CRTAC1: variants seen among roughly 807,000 people sequenced by gnomAD.
CRTAC1 encodes cartilage acidic protein 1.
In CRTAC1, 37 loss-of-function variants were observed where a neutral mutation model predicts 67.8. The observed-to-expected ratio is 0.55, with a 90% confidence interval of 0.42 to 0.72. The LOEUF (loss-of-function observed/expected upper bound fraction) is 0.72, where lower values mean the gene tolerates loss of function less well. CRTAC1 is among the 30% of genes least tolerant of loss of function. CRTAC1 has a pLI of 0.00. For missense variants in CRTAC1, 780 were observed against 931.6 expected, an observed-to-expected ratio of 0.84 and a Z score of 2.12; for synonymous variants, 348 against 371.0, an observed-to-expected ratio of 0.94 and a Z score of 0.71.
intron 2 of CRTAC1, among the ~76,000 whole-genome samples, chr10:97,999,416 G>T (rs964050389): frequency 6.6e-6 from 1 of 152,258 alleles, no homozygotes; most frequent in African/African-American, 2.4e-5. Context: ...TTGTGGCCCA[G>T]CCAGGTGTGC....
chr10:98,019,075 G>A lies in CRTAC1; in HGVS notation c.25-7738C>T, dbSNP rs528063685. 6.4e-4 allele frequency among the ~76,000 whole-genome samples: 97 copies of A among 152,228 alleles called. 1 individual carries two copies. Among genetic ancestry groups the A allele is most frequent in the African/African-American group, 2.3e-3 (96 of 41,548 alleles). ...ACAGAGAGATGTAAGTTAGCTGGGG[G>A]GGGAGCTGGGAAGTGCTTCCTAGAG... On this transcript the variant is annotated intron_variant, in intron 1 of 14. Coordinates refer to ENST00000370597, the MANE Select transcript of CRTAC1 (RefSeq NM_018058.7).
chr10:98,015,043 C>T (rs1225153995), intron 1 of CRTAC1, among the ~76,000 whole-genome samples: 1 of 152,106 alleles, frequency 6.6e-6, no homozygotes, highest in Non-Finnish European at 1.5e-5. Flanking sequence ...GCAGAAGCAT[C>T]CCAAGTGTCC....
At chr10:97,880,711 A>G (rs909404660) in intron 13 of CRTAC1, among the ~76,000 whole-genome samples, 2 of 152,158 alleles carry the variant, frequency 1.3e-5, no homozygotes, top group Non-Finnish European at 2.9e-5. Flanking sequence ...ACTCACGAAT[A>G]CAATAACCCA....
intron 2 of CRTAC1, among the ~76,000 whole-genome samples, chr10:98,004,168 A>G (rs781197985): frequency 6.6e-6 from 1 of 152,238 alleles, no homozygotes; most frequent in Non-Finnish European, 1.5e-5. Context: ...CCATTCTTCC[A>G]TGATACCAAC....
chr10:97,996,797 C>T (rs1014468937), intron 2 of CRTAC1, among the ~76,000 whole-genome samples: 153 of 152,178 alleles, frequency 1.0e-3, no homozygotes, highest in Non-Finnish European at 1.7e-3. Context: ...ATGTTTATTG[C>T]AGCACTATTC....
intron 5 of CRTAC1, among the ~76,000 whole-genome samples, chr10:97,909,031 G>C (rs1220010190): frequency 6.6e-6 from 1 of 152,162 alleles, no homozygotes; most frequent in Non-Finnish European, 1.5e-5. Flanking sequence ...TGTTTGACTT[G>C]TTGCAATAAG....
rs966033709 is a variant in CRTAC1, at chr10:98,030,268, G to C, written c.24+181C>G. On this transcript the variant is annotated intron_variant, in intron 1 of 14. Transcript: ENST00000370597. The surrounding 1 kb of genome is among the most constrained non-coding windows in gnomAD (Gnocchi z 4.2). Reference sequence around the variant, plus strand: ...CCCCAGCCCGCGGGGGAGGCTCCGCGCGCCAATCGAGTCCAGCGCCTCCCA... The same window carrying C: ...CCCCAGCCCGCGGGGGAGGCTCCGCCCGCCAATCGAGTCCAGCGCCTCCCA... Among the ~76,000 whole-genome samples, 2 of 152,118 alleles carry C rather than the reference G, an allele frequency of 1.3e-5. No individual in the cohort carries two copies. Among genetic ancestry groups the C allele is most frequent in the Non-Finnish European group, 2.9e-5 (2 of 67,992 alleles).
chr10:97,914,040 C>A (rs2050725275), intron 5 of CRTAC1, among the ~76,000 whole-genome samples: 2 of 152,238 alleles, frequency 1.3e-5, no homozygotes, highest in South Asian at 4.1e-4. Context: ...TTTAAGGCTT[C>A]TTTAATCACC....
At chr10:97,951,863 T>G (rs2051361065) in intron 2 of CRTAC1, among the ~76,000 whole-genome samples, 2 of 152,152 alleles carry the variant, frequency 1.3e-5, no homozygotes. Context: ...GGTGCCAGCA[T>G]TTTTGGGGAG....
chr10:97,928,974 G>T (rs76007844), intron 3 of CRTAC1, among the ~76,000 whole-genome samples: 11,505 of 152,014 alleles, frequency 0.076, 545 homozygotes, highest in African/African-American at 0.13. Flanking sequence ...GGGTGAATGC[G>T]CCAGCAAAGG....
At chr10:97,945,978 C>A (rs1365738556) in intron 2 of CRTAC1, among the ~76,000 whole-genome samples, 9 of 152,178 alleles carry the variant, frequency 5.9e-5, no homozygotes, top group African/African-American at 2.2e-4. Context: ...TTTTCATGAG[C>A]ATAGAGGCAC....
At chr10:97,881,690 G>A (rs2136538744) in intron 13 of CRTAC1, among the ~76,000 whole-genome samples, 1 of 152,330 alleles carries the variant, frequency 6.6e-6, no homozygotes, top group Admixed American at 6.5e-5. Flanking sequence ...CCTGCACTAT[G>A]TGTTTGGAGT....
intron 5 of CRTAC1, among the ~76,000 whole-genome samples, chr10:97,916,030 C>T (rs1316448890): frequency 6.6e-6 from 1 of 152,080 alleles, no homozygotes. Context: ...GCCCAGCCAG[C>T]GTGAACAATG....
chr10:97,867,740 C>T (rs2136523981), intron 14 of CRTAC1: 1 of 152,038 alleles, frequency 6.6e-6, no homozygotes, highest in East Asian at 1.9e-4. Flanking sequence ...AGAACTTGCC[C>T]AGCGTGAAGC....
intron 2 of CRTAC1, among the ~76,000 whole-genome samples, chr10:97,991,924 C>T (rs1842467702): frequency 6.6e-6 from 1 of 152,164 alleles, no homozygotes; most frequent in Admixed American, 6.5e-5. Flanking sequence ...AATACATTGT[C>T]TAGAAAGGAA....
At chr10:97,926,614 C>T (rs61874837) in intron 3 of CRTAC1, among the ~76,000 whole-genome samples, 16,169 of 152,172 alleles carry the variant, frequency 0.11, 1,143 homozygotes, top group South Asian at 0.24. Flanking sequence ...TAATTAAACA[C>T]ATTAATATTT....
At chr10:97,943,734 A>G (rs2051214819) in intron 2 of CRTAC1, among the ~76,000 whole-genome samples, 1 of 152,228 alleles carries the variant, frequency 6.6e-6, no homozygotes, top group Admixed American at 6.5e-5. Flanking sequence ...TTTCGTAAAT[A>G]TGGTTTTATT....
At chr10:97,959,116 C>T (rs2051484698) in intron 2 of CRTAC1, among the ~76,000 whole-genome samples, 1 of 152,116 alleles carries the variant, frequency 6.6e-6, no homozygotes, top group African/African-American at 2.4e-5. Context: ...TGTGAGTTAC[C>T]AGTAATAAGT....
chr10:97,868,710 C>T (rs1418372489), intron 14 of CRTAC1: 3 of 152,100 alleles, frequency 2.0e-5, no homozygotes, highest in East Asian at 1.9e-4. Context: ...TGTTCTACCC[C>T]GAGGCCAGAT....
Sources: gnomAD v4.1 joint callset for allele counts (sites outside exome capture counted in the v4.1 genomes callset) on GRCh38, gnomAD v4.1.1 for gene constraint, Gnocchi (gnomAD v3.1) non-coding constraint, MANE v1.5 for transcripts, NCBI Gene and HGNC (gene_info 2026-07-23, HGNC 2026-07-21) for gene names.